CLSTN2: variants seen among roughly 807,000 people sequenced by gnomAD.
CLSTN2 encodes the protein calsyntenin-2.
In CLSTN2, 48 loss-of-function variants were observed where a neutral mutation model predicts 101.2. The observed-to-expected ratio is 0.47, with a 90% CI of 0.38 to 0.60. CLSTN2 has a LOEUF of 0.60. CLSTN2 is among the 20% of genes least tolerant of loss of function. The probability of loss-of-function intolerance (pLI) is 0.00; values close to 1 mark genes in which losing one functional copy is unlikely to be tolerated. For synonymous variants in CLSTN2, 481 were observed against 463.6 expected, an observed-to-expected ratio of 1.04 and a Z score of -0.48; for missense variants, 1,160 against 1,238.2, an observed-to-expected ratio of 0.94 and a Z score of 0.95.
chr3:140,522,342 T>C (rs1185136638), intron 8 of CLSTN2, among the ~76,000 whole-genome samples: 1 of 149,514 alleles, frequency 6.7e-6, no homozygotes, highest in African/African-American at 2.6e-5. Flanking sequence ...GGCCCCCAGG[T>C]CCAGCCTCTT....
At chr3:140,130,231 G>C (rs1323370299) in intron 1 of CLSTN2, among the ~76,000 whole-genome samples, 1 of 152,164 alleles carries the variant, frequency 6.6e-6, no homozygotes, top group Non-Finnish European at 1.5e-5. Flanking sequence ...CATGACCTCT[G>C]TGAGTTGCCT....
In CLSTN2 at chr3:140,479,873, A is replaced by G. The variant is rs978733489; in HGVS notation, c.1344+13142A>G. ...AGATTGAATAAGATCAGCAAGCCCC[A>G]AGCCGAATAAATACAAAGAAAGCAA... On this transcript the variant is annotated intron_variant, in intron 8 of 16. Coordinates refer to ENST00000458420, the MANE Select transcript of CLSTN2 (RefSeq NM_022131.3). Among the ~76,000 whole-genome samples the G allele has an allele frequency of 6.6e-5, 10 of 152,312 alleles. No individual in the cohort carries two copies. The East Asian group carries it at 1.5e-3, about 23-fold the overall frequency.
intron 2 of CLSTN2, among the ~76,000 whole-genome samples, chr3:140,295,084 C>G (rs2086990175): frequency 6.6e-6 from 1 of 152,118 alleles, no homozygotes; most frequent in African/African-American, 2.4e-5. Context: ...TACCTTCCTT[C>G]CCTCTGTAAA....
rs181638979 is a variant in CLSTN2 at position 140,049,276 on chromosome 3, C to T, written c.109+113793C>T. Among the ~76,000 whole-genome samples, 1,368 of 149,808 alleles carry T rather than the reference C, an allele frequency of 9.1e-3. 8 individuals carry two copies. Among genetic ancestry groups the T allele is most frequent in the Non-Finnish European group, 0.015 (1,003 of 66,582 alleles). On this transcript the variant is annotated intron_variant, in intron 1 of 16. Coordinates refer to ENST00000458420, the MANE Select transcript of CLSTN2 (RefSeq NM_022131.3). ...CCTGAAAGCTGTTGCCAAGGAAATC[C>T]TGAAATTTAACAGTAAAATCAAGAA... is the stretch of plus-strand genomic sequence containing the variant.
chr3:140,312,519 T>C lies in CLSTN2; in HGVS notation c.233-91110T>C, dbSNP rs530734242. Among the ~76,000 whole-genome samples, 3 of 152,386 alleles carry C rather than the reference T, an allele frequency of 2.0e-5. No homozygotes were observed. In the South Asian group the frequency reaches 6.2e-4, roughly 32 times the overall value. ...ACAATTCTTTCTGTAGAATTTGAGCTGTGAGCATGTGTGAAGTAACTGCTC... is the reference window on the plus strand; with the variant it reads ...ACAATTCTTTCTGTAGAATTTGAGCCGTGAGCATGTGTGAAGTAACTGCTC... On this transcript the variant is annotated intron_variant, in intron 2 of 16. Transcript: ENST00000458420.
intron 8 of CLSTN2, among the ~76,000 whole-genome samples, chr3:140,503,924 G>C (rs1198730681): frequency 6.6e-6 from 1 of 152,118 alleles, no homozygotes; most frequent in Non-Finnish European, 1.5e-5. Context: ...GACAGTTACA[G>C]GTGATGAGGA....
At chr3:140,216,100 C>T (rs890902690) in intron 2 of CLSTN2, among the ~76,000 whole-genome samples, 15 of 152,116 alleles carry the variant, frequency 9.9e-5, no homozygotes, top group Admixed American at 8.5e-4. Flanking sequence ...TTCTCATAGG[C>T]GCATGAACCC....
At chr3:140,087,659 G>A (rs2008702546) in intron 1 of CLSTN2, among the ~76,000 whole-genome samples, 1 of 152,148 alleles carries the variant, frequency 6.6e-6, no homozygotes, top group South Asian at 2.1e-4. Flanking sequence ...AAAATAAAAA[G>A]TAAACATACT....
intron 1 of CLSTN2, among the ~76,000 whole-genome samples, chr3:140,024,932 G>A (rs904485352): frequency 1.3e-5 from 2 of 152,174 alleles, no homozygotes; most frequent in Admixed American, 6.5e-5. Flanking sequence ...CCAGGGATTT[G>A]ACTTTTTAGT....
At chr3:140,182,430 C>T (rs1049706892) in intron 2 of CLSTN2, among the ~76,000 whole-genome samples, 7 of 152,306 alleles carry the variant, frequency 4.6e-5, no homozygotes, top group East Asian at 1.9e-4. Context: ...CCCTATCCAG[C>T]GCCTTCAGGA....
At chr3:140,080,781 G>A (rs961963993) in intron 1 of CLSTN2, among the ~76,000 whole-genome samples, 1 of 152,178 alleles carries the variant, frequency 6.6e-6, no homozygotes, top group Non-Finnish European at 1.5e-5. Context: ...CCTGGGGGCT[G>A]GAGCTCTGTT....
intron 1 of CLSTN2, among the ~76,000 whole-genome samples, chr3:140,099,047 G>A (rs1178317401): frequency 6.6e-6 from 1 of 152,192 alleles, no homozygotes; most frequent in Non-Finnish European, 1.5e-5. Context: ...CCACAGTCCA[G>A]AGAAGGACAT....
chr3:140,396,639 A>G (rs1368992671), intron 2 of CLSTN2, among the ~76,000 whole-genome samples: 1 of 152,218 alleles, frequency 6.6e-6, no homozygotes, highest in African/African-American at 2.4e-5. Context: ...AGTTAACTGC[A>G]TAACTATTTC....
chr3:140,021,732 T>C lies in CLSTN2; in HGVS notation c.109+86249T>C, dbSNP rs188323794. ...CCACATGCCACTGCACTTGATATTC[T>C]ACCCATAAGAGATCAATTTCTTTGG... is the stretch of plus-strand genomic sequence containing the variant. On this transcript the variant is annotated intron_variant, in intron 1 of 16. Coordinates refer to ENST00000458420, the MANE Select transcript of CLSTN2 (RefSeq NM_022131.3). Among the ~76,000 whole-genome samples, 158 of 152,336 alleles carry C rather than the reference T, an allele frequency of 1.0e-3. 1 individual carries two copies. The highest frequency in any genetic ancestry group is 3.5e-3 in the African/African-American group (144 of 41,576).
intron 2 of CLSTN2, among the ~76,000 whole-genome samples, chr3:140,380,895 T>G (rs1170838036): frequency 6.6e-6 from 1 of 152,162 alleles, no homozygotes; most frequent in Non-Finnish European, 1.5e-5. Context: ...AGAAGTGTAG[T>G]TGTGGGCCTG....
In CLSTN2 at chr3:139,982,232, T is replaced by G. The variant is rs200252425; in HGVS notation, c.109+46749T>G. On this transcript the variant is annotated intron_variant, in intron 1 of 16. Coordinates refer to ENST00000458420, the MANE Select transcript of CLSTN2 (RefSeq NM_022131.3). ...ATATTTTCAGGTATTATTATTAATATAATTTTATATTACAGTCCGCCAAAT... is the reference window on the plus strand; with the variant it reads ...ATATTTTCAGGTATTATTATTAATAGAATTTTATATTACAGTCCGCCAAAT... 3.3e-5 allele frequency among the ~76,000 whole-genome samples: 5 copies of G among 152,250 alleles called. No individual in the cohort carries two copies. The East Asian group carries it at 7.7e-4, about 23-fold the overall frequency.
At chr3:140,155,935 T>A (rs1353928322) in intron 1 of CLSTN2, among the ~76,000 whole-genome samples, 2 of 140,716 alleles carry the variant, frequency 1.4e-5, no homozygotes, top group South Asian at 2.6e-4. Flanking sequence ...GACATTAATA[T>A]CCTTAGCCAT....
intron 7 of CLSTN2, among the ~76,000 whole-genome samples, chr3:140,464,997 A>G (rs1033109658): frequency 4.6e-5 from 7 of 152,226 alleles, no homozygotes; most frequent in African/African-American, 1.2e-4. Context: ...AGTCCTTCTA[A>G]TAAGTAACAG....
In CLSTN2 at chr3:140,369,066, G is replaced by A. The variant is rs549114677; in HGVS notation, c.233-34563G>A. On this transcript the variant is annotated intron_variant, in intron 2 of 16. Coordinates refer to ENST00000458420, the MANE Select transcript of CLSTN2 (RefSeq NM_022131.3). The stretch of plus-strand genomic sequence containing the variant: ...GGGACAGTGTGAGCTCTTTTAGGAT[G>A]AGACTTGCCAGCTTTTTCTGGGTCA... Among the ~76,000 whole-genome samples the A allele has an allele frequency of 1.6e-4, 25 of 152,252 alleles. 1 individual carries two copies. In the South Asian group the frequency reaches 5.2e-3, roughly 32 times the overall value.
Sources: allele counts gnomAD v4.1 joint callset (sites outside exome capture counted in the v4.1 genomes callset), GRCh38; gene constraint gnomAD v4.1.1; transcripts MANE v1.5; gene names NCBI Gene and HGNC (gene_info 2026-07-23, HGNC 2026-07-21).